CERS6: variants seen among roughly 807,000 people sequenced by gnomAD.
CERS6 encodes the protein ceramide synthase 6.
Under a neutral mutation model 56.8 loss-of-function variants are expected in CERS6, and 26 were observed. The ratio of observed to expected loss-of-function variants is 0.46; its 90% CI spans 0.34 to 0.63. The LOEUF (loss-of-function observed/expected upper bound fraction) is 0.63, where lower values mean the gene tolerates loss of function less well. CERS6 is among the 30% of genes least tolerant of loss of function. The pLI is 0.01. For missense variants in CERS6, 415 were observed against 467.5 expected (o/e 0.89, Z 1.04); for synonymous variants, 164 against 173.3 (o/e 0.95, Z 0.42).
intron 6 of CERS6, among the ~76,000 whole-genome samples, chr2:168,701,175 A>G (rs1686797132): frequency 6.6e-6 from 1 of 152,202 alleles, no homozygotes; most frequent in Non-Finnish European, 1.5e-5. Flanking sequence ...ACATGTAATG[A>G]GTAAGAAATA....
chr2:168,582,452 G>C (rs746329694), intron 3 of CERS6, among the ~76,000 whole-genome samples: 2 of 152,084 alleles, frequency 1.3e-5, no homozygotes, highest in African/African-American at 2.4e-5. Flanking sequence ...TATTTTTTAA[G>C]TTGAGAAGTT....
chr2:168,752,069 G>A (rs1251452853), intron 8 of CERS6, among the ~76,000 whole-genome samples: 1 of 151,982 alleles, frequency 6.6e-6, no homozygotes, highest in African/African-American at 2.4e-5. Context: ...GGTTAGGGAG[G>A]GAGTACCCAG....
At chr2:168,596,956 A>C (rs931753183) in intron 3 of CERS6, among the ~76,000 whole-genome samples, 1 of 152,224 alleles carries the variant, frequency 6.6e-6, no homozygotes, top group African/African-American at 2.4e-5. Flanking sequence ...AAAAGTGCAT[A>C]TACTCTACCT....
At chr2:168,726,772 T>C (rs1210771130) in intron 8 of CERS6, among the ~76,000 whole-genome samples, 2 of 152,250 alleles carry the variant, frequency 1.3e-5, no homozygotes, top group Non-Finnish European at 2.9e-5. Context: ...GTTAAAGATA[T>C]AAATTCCCAT....
chr2:168,506,706 T>C (rs1317910451), intron 1 of CERS6, among the ~76,000 whole-genome samples: 3 of 152,162 alleles, frequency 2.0e-5, no homozygotes, highest in Non-Finnish European at 4.4e-5. Context: ...GTAAAGAGAA[T>C]CTGATTGGCA....
Position 168,771,554 on chromosome 2 carries a change from T to TA in CERS6, c.*1893dup, listed in dbSNP as rs2105474474. 1 of 152,320 alleles carries TA rather than the reference T, an allele frequency of 6.6e-6. No individual in the cohort carries two copies. Among genetic ancestry groups the TA allele is most frequent in the South Asian group, 2.1e-4 (1 of 4,830 alleles). 9.4% of individuals were successfully genotyped at this position (152,320 alleles called of 1,614,324 possible). On this transcript the variant is annotated 3_prime_UTR_variant, in exon 10 of 10. Coordinates refer to ENST00000305747, the MANE Select transcript of CERS6 (RefSeq NM_203463.3). ...TAAGAACAATCATAAAAGGACTTGT[T>TA]AGTCTCCAGAACATCTGCTAAAATG...
At chr2:168,596,070 G>A (rs1335777082) in intron 3 of CERS6, among the ~76,000 whole-genome samples, 3 of 123,356 alleles carry the variant, frequency 2.4e-5, no homozygotes, top group Non-Finnish European at 3.3e-5. Flanking sequence ...GCAACAAAGC[G>A]AGACCCTGTC....
At chr2:168,745,573 A>G (rs971644192) in intron 8 of CERS6, among the ~76,000 whole-genome samples, 2 of 152,218 alleles carry the variant, frequency 1.3e-5, no homozygotes, top group African/African-American at 2.4e-5. Context: ...CACAGCTTAT[A>G]TGCTTCACTC....
At chr2:168,601,489 C>T (rs1431124782) in intron 3 of CERS6, among the ~76,000 whole-genome samples, 1 of 151,850 alleles carries the variant, frequency 6.6e-6, no homozygotes, top group African/African-American at 2.4e-5. Context: ...TTTCATAGTC[C>T]AGCCATCTCA....
intron 3 of CERS6, among the ~76,000 whole-genome samples, chr2:168,562,402 C>G (rs904095158): frequency 6.6e-6 from 1 of 152,192 alleles, no homozygotes; most frequent in Non-Finnish European, 1.5e-5. Flanking sequence ...CTGGCACCAG[C>G]CTCTGAGTTC....
At chr2:168,515,662 T>C (rs1694871799) in intron 1 of CERS6, among the ~76,000 whole-genome samples, 1 of 152,218 alleles carries the variant, frequency 6.6e-6, no homozygotes. Flanking sequence ...AAGAGGCATA[T>C]TTTGAGCATT....
At chr2:168,497,186 A>C (rs533621020) in intron 1 of CERS6, among the ~76,000 whole-genome samples, 1 of 152,196 alleles carries the variant, frequency 6.6e-6, no homozygotes, top group Non-Finnish European at 1.5e-5. Flanking sequence ...GACAGAAGGG[A>C]TATTCAAAGT....
chr2:168,532,529 T>G (rs1245639500), intron 1 of CERS6, among the ~76,000 whole-genome samples: 2 of 152,140 alleles, frequency 1.3e-5, no homozygotes, highest in Admixed American at 1.3e-4. Context: ...TTTATTCCAT[T>G]TGTTTTCTCC....
In CERS6 at chr2:168,460,581, C is replaced by A. The variant is rs904532470; in HGVS notation, c.170+3963C>A. On this transcript the variant is annotated intron_variant, in intron 1 of 9. Coordinates refer to ENST00000305747, the MANE Select transcript of CERS6 (RefSeq NM_203463.3). ...CAGCTGTGTTTTGAGTCAAAAGAATCATTTGGGCTGTTATCATTTATGCTC... is the reference window on the plus strand; with the variant it reads ...CAGCTGTGTTTTGAGTCAAAAGAATAATTTGGGCTGTTATCATTTATGCTC... Among the ~76,000 whole-genome samples, 4 of 152,234 alleles carry A rather than the reference C, an allele frequency of 2.6e-5. No individual in the cohort carries two copies. In the East Asian group the frequency reaches 7.7e-4, roughly 29 times the overall value.
chr2:168,594,311 T>C (rs76368502), intron 3 of CERS6, among the ~76,000 whole-genome samples: 4,806 of 152,244 alleles, frequency 0.032, 234 homozygotes, highest in African/African-American at 0.1. Context: ...TTAAATTCAT[T>C]CATGGGTTCA....
intron 1 of CERS6, among the ~76,000 whole-genome samples, chr2:168,508,304 T>A (rs1694717549): frequency 6.6e-6 from 1 of 152,146 alleles, no homozygotes; most frequent in Non-Finnish European, 1.5e-5. Context: ...GCCTCCTAGG[T>A]TGAAACAGTT....
intron 3 of CERS6, among the ~76,000 whole-genome samples, chr2:168,599,551 A>G (rs992940198): frequency 5.3e-5 from 8 of 152,228 alleles, no homozygotes; most frequent in Non-Finnish European, 1.0e-4. Flanking sequence ...TTGTCCTGAA[A>G]GACTTCTGAA....
chr2:168,719,869 CT>C lies in CERS6; in HGVS notation c.845+1901del, dbSNP rs138651898. 3.4e-4 allele frequency among the ~76,000 whole-genome samples: 51 copies of C among 148,718 alleles called. 1 individual carries two copies. The highest frequency in any genetic ancestry group is 6.5e-4 in the South Asian group (3 of 4,606). ...TTTTCTAGTAGCCATACTAAAGGTTCTTTTTTTTTTAAAAGATGAAAGGTGA... is the reference window on the plus strand; with the variant it reads ...TTTTCTAGTAGCCATACTAAAGGTTCTTTTTTTTTAAAAGATGAAAGGTGA... On this transcript the variant is annotated intron_variant, in intron 8 of 9. Coordinates refer to ENST00000305747, the MANE Select transcript of CERS6 (RefSeq NM_203463.3).
intron 3 of CERS6, among the ~76,000 whole-genome samples, chr2:168,604,011 A>G (rs1015140218): frequency 6.6e-6 from 1 of 152,188 alleles, no homozygotes; most frequent in Non-Finnish European, 1.5e-5. Context: ...TCTGCAGTGG[A>G]ATTATGGAGA....
Sources: allele counts gnomAD v4.1 joint callset (sites outside exome capture counted in the v4.1 genomes callset), GRCh38; gene constraint gnomAD v4.1.1; transcripts MANE v1.5; gene names NCBI Gene and HGNC (gene_info 2026-07-23, HGNC 2026-07-21).